The following DHTKD1 variants were observed in gnomAD, a reference collection of about 807,000 sequenced individuals.
DHTKD1 encodes the protein 2-oxoadipate dehydrogenase complex component E1.
DHTKD1 carries 78 observed loss-of-function variants against 101.8 expected under a neutral mutation model. The observed-to-expected ratio is 0.77, with a 90% CI of 0.64 to 0.93. The LOEUF (loss-of-function observed/expected upper bound fraction) is 0.93, where lower values mean the gene tolerates loss of function less well. Ranked by LOEUF, DHTKD1 falls within the 40% of genes least tolerant of loss-of-function variation. The pLI is 0.00. For missense variants in DHTKD1, 1,223 were observed against 1,161.7 expected (o/e 1.05, Z -0.77); for synonymous variants, 462 against 450.3 (o/e 1.03, Z -0.33).
At chr10:12,100,591 G>A (rs751846774) in intron 9 of DHTKD1, among the ~76,000 whole-genome samples, 66 of 152,072 alleles carry the variant, frequency 4.3e-4, no homozygotes, top group Non-Finnish European at 8.7e-4. Flanking sequence ...CTAGCTAGTA[G>A]AGAGTACTTT....
Position 12,103,112 on chromosome 10 carries a change from A to G in DHTKD1, c.1896+1931A>G, listed in dbSNP as rs2131617627. Among the ~76,000 whole-genome samples, 1 of 152,210 alleles carries G rather than the reference A, an allele frequency of 6.6e-6. No homozygotes were observed. The highest frequency in any genetic ancestry group is 2.0e-4 in the East Asian group (1 of 5,112). ...GTGGCACACGCCTGTAATCCCAGCT[A>G]CTCAGGAGGTTGAGGCAGGAGAATT... On this transcript the variant is annotated intron_variant, in intron 10 of 16. Transcript: ENST00000263035. The surrounding 1 kb of genome is among the most constrained non-coding windows in gnomAD (Gnocchi z 4.8).
At position 12,106,320 on chromosome 10, in the gene DHTKD1, A is replaced by T; in HGVS notation, c.1971A>T (p.Leu657Phe). 1 of 1,614,110 alleles carries T rather than the reference A, an allele frequency of 6.2e-7. No homozygotes were observed. The highest frequency in any genetic ancestry group is 8.5e-7 in the Non-Finnish European group (1 of 1,179,994). ...EYGMSIESPK[L>F]LPLWEAQFGD... ...GGATGAGCATTGAGAGCCCAAAGTT[A>T]CTGCCCCTGTGGGAGGCACAGTTTG... The change falls in exon 11 of 17, where the codon TTA becomes TTT. Residue 657 changes from leucine (L) to phenylalanine (F), a missense_variant. Transcript: ENST00000263035.
chr10:12,076,620 C>A (rs1832735774), intron 1 of DHTKD1, among the ~76,000 whole-genome samples: 1 of 152,138 alleles, frequency 6.6e-6, no homozygotes, highest in East Asian at 1.9e-4. Context: ...ATCTCTCGAG[C>A]CCAGGAGTAT....
At chr10:12,112,714 G>A (rs1833353006) in intron 12 of DHTKD1, among the ~76,000 whole-genome samples, 186 bp from the exon 13 acceptor site, 1 of 152,146 alleles carries the variant, frequency 6.6e-6, no homozygotes, top group Non-Finnish European at 1.5e-5. Context: ...AAAGCCATCA[G>A]AGCTCTCCTT....
intron 8 of DHTKD1, among the ~76,000 whole-genome samples, chr10:12,099,669 C>T (rs1199662509): frequency 2.0e-5 from 3 of 152,026 alleles, no homozygotes; most frequent in African/African-American, 7.2e-5. Flanking sequence ...GCCTGCGTGA[C>T]AGAGTGAGAC....
chr10:12,097,776 A>C lies in DHTKD1; in HGVS notation c.1451A>C (p.Tyr484Ser). The change falls in exon 8 of 17, where the codon TAC becomes TCC. Residue 484 changes from tyrosine to serine, a missense_variant. Coordinates refer to ENST00000263035, the MANE Select transcript of DHTKD1 (RefSeq NM_018706.7). ...QEEVSEIKSS[Y>S]YAKLNDHLNN... is the part of the protein sequence containing the mutation. ...GAGGTGTCTGAAATAAAATCCTCCT[A>C]CTATGCCAAGTTGAATGATCACTTA... 3 of 1,614,216 alleles carry C rather than the reference A, an allele frequency of 1.9e-6. No individual in the cohort carries two copies. The highest frequency in any genetic ancestry group is 2.5e-6 in the Non-Finnish European group (3 of 1,180,026).
chr10:12,112,920 G>A lies in DHTKD1; in HGVS notation c.2175G>A (p.Glu725=), dbSNP rs775438065. 3 of 1,609,628 alleles carry A rather than the reference G, an allele frequency of 1.9e-6. No individual in the cohort carries two copies. Among genetic ancestry groups the A allele is most frequent in the Non-Finnish European group, 2.5e-6 (3 of 1,178,136 alleles). The change falls in exon 13 of 17, where the codon GAG becomes GAA. Residue 725 remains glutamate (E), a synonymous_variant. Transcript: ENST00000263035. ...RFLQMCDSAE[E]GVDGDTVNMF... is the part of the protein sequence containing the mutation. The stretch of plus-strand genomic sequence containing the variant: ...CCCAGATGTGTGACAGTGCGGAAGA[G>A]GGGGTGGACGGAGACACTGTGAACA...
chr10:12,111,725 G>A (rs939951904), intron 12 of DHTKD1, among the ~76,000 whole-genome samples: 4 of 151,308 alleles, frequency 2.6e-5, no homozygotes, highest in African/African-American at 9.7e-5. Context: ...ATGCTGTTAG[G>A]TCATTAGCTG....
rs1446645217 is a variant in DHTKD1 at position 12,119,629 on chromosome 10, AAAAAAAG to A, written c.2573-549_2573-543del. ...AGACTCCGTCTCAAAAAAAAAAAAA[AAAAAAAG>A]AAAGAAAATTTGGTACATATATGGG... is the stretch of plus-strand genomic sequence containing the variant. On this transcript the variant is annotated intron_variant, in intron 15 of 16. Transcript: ENST00000263035. Among the ~76,000 whole-genome samples, 21 of 151,724 alleles carry A rather than the reference AAAAAAAG, an allele frequency of 1.4e-4. No individual in the cohort carries two copies. The South Asian group carries it at 1.9e-3, about 14-fold the overall frequency.
At chr10:12,086,473 C>T (rs1029378099) in intron 3 of DHTKD1, among the ~76,000 whole-genome samples, 1 of 151,558 alleles carries the variant, frequency 6.6e-6, no homozygotes, top group East Asian at 2.0e-4. Flanking sequence ...CTCCCATCAG[C>T]CTTCCAAAGT....
intron 10 of DHTKD1, among the ~76,000 whole-genome samples, chr10:12,104,149 A>G (rs747288684): frequency 2.0e-5 from 3 of 152,172 alleles, no homozygotes; most frequent in Non-Finnish European, 2.9e-5. Context: ...CATGCTTTCA[A>G]GGTCCATCCA....
intron 5 of DHTKD1, 108 bp downstream of exon 5, chr10:12,089,363 G>T: frequency 9.3e-7 from 1 of 1,075,298 alleles, no homozygotes; most frequent in South Asian, 1.5e-5. Context: ...AAACTGAGAT[G>T]ACCTTTTGGA....
At chr10:12,076,201 A>G (rs866481280) in intron 1 of DHTKD1, among the ~76,000 whole-genome samples, 4 of 152,192 alleles carry the variant, frequency 2.6e-5, no homozygotes, top group Admixed American at 6.6e-5. Context: ...TTTATTGCCG[A>G]GTGCGGTGGC....
At chr10:12,077,532 C>T (rs1037849563) in intron 1 of DHTKD1, among the ~76,000 whole-genome samples, 143 of 152,156 alleles carry the variant, frequency 9.4e-4, no homozygotes, top group African/African-American at 3.1e-3. Flanking sequence ...CCACTGTGCC[C>T]GGCCATTCAT....
chr10:12,108,113 C>A, intron 12 of DHTKD1, 98 bp downstream of exon 12: 1 of 807,952 alleles, frequency 1.2e-6, no homozygotes, highest in Non-Finnish European at 2.0e-6. Context: ...AACTGTAACA[C>A]AGCTTAGTAT....
chr10:12,097,877 C>A lies in DHTKD1; in HGVS notation c.1552C>A (p.Gln518Lys), dbSNP rs551010542. 6.2e-7 allele frequency: 1 copy of A among 1,614,220 alleles called. No homozygotes were observed. The highest frequency in any genetic ancestry group is 1.3e-5 in the African/African-American group (1 of 75,072). Residue 518 changes from glutamine to lysine, a missense_variant, in exon 8 of 17, where the codon CAA (glutamine) becomes AAA (lysine). Coordinates refer to ENST00000263035, the MANE Select transcript of DHTKD1 (RefSeq NM_018706.7). ...GCAGGGCCTGGCTCAGCCAGAAGCG[C>A]AAATCACCACCTGGAGTACAGGTGT... ...HWQGLAQPEA[Q>K]ITTWSTGVPL...
At chr10:12,100,319 C>T in intron 9 of DHTKD1, 57 bp downstream of exon 9, 1 of 295,846 alleles carries the variant, frequency 3.4e-6, no homozygotes, top group Non-Finnish European at 4.6e-6. Flanking sequence ...ACCCTGTCGC[C>T]CAGGCTGGAA....
Position 12,120,187 on chromosome 10 carries a change from A to G in DHTKD1, c.2578A>G (p.Ile860Val). ...MSKYKHVKDH[I>V]WSQEEPQNMG... ...AAGAATTTCTTCTCTCATAGATCAT[A>G]TTTGGAGTCAGGAGGAACCTCAGAA... Residue 860 changes from isoleucine (I) to valine (V), a missense_variant, in exon 16 of 17, where the codon ATT (isoleucine) becomes GTT (valine). By Grantham distance (29) the Ile-to-Val change is conservative. Coordinates refer to ENST00000263035, the MANE Select transcript of DHTKD1 (RefSeq NM_018706.7). 1.9e-6 allele frequency: 3 copies of G among 1,613,474 alleles called. No homozygotes were observed. Among genetic ancestry groups the G allele is most frequent in the Non-Finnish European group, 2.5e-6 (3 of 1,179,534 alleles).
intron 10 of DHTKD1, among the ~76,000 whole-genome samples, chr10:12,102,387 G>C (rs1410837452): frequency 7.1e-6 from 1 of 139,950 alleles, no homozygotes; most frequent in East Asian, 2.2e-4. Context: ...ACACACCACT[G>C]CACTCCAGCC....
Sources: gnomAD v4.1 joint callset for allele counts (sites outside exome capture counted in the v4.1 genomes callset) on GRCh38, gnomAD v4.1.1 for gene constraint, Gnocchi (gnomAD v3.1) non-coding constraint, MANE v1.5 for transcripts, NCBI Gene and HGNC (gene_info 2026-07-23, HGNC 2026-07-21) for gene names.